Variants in CFDP1 observed in about 807,000 individuals in gnomAD.
CFDP1 encodes heterochromatin-stabilizing protein CFDP1.
In CFDP1, 31 loss-of-function variants were observed where a neutral mutation model predicts 40.1. That is an observed-to-expected ratio of 0.77 (90% confidence interval 0.58 to 1.04). The LOEUF (loss-of-function observed/expected upper bound fraction) is 1.04. CFDP1 is among the 50% of genes least tolerant of loss of function. The pLI, the probability that CFDP1 is intolerant of heterozygous loss-of-function variation, is 0.00. For missense variants in CFDP1, 423 were observed against 343.4 expected (o/e 1.23, Z -1.83); for synonymous variants, 167 against 120.0 (o/e 1.39, Z -2.56).
intron 3 of CFDP1, 120 bp from the exon 4 acceptor site, chr16:75,412,072 G>T: frequency 9.3e-7 from 1 of 1,071,530 alleles, no homozygotes; most frequent in Non-Finnish European, 1.3e-6. Flanking sequence ...CTGGAGTGCA[G>T]TAACACAATC....
At chr16:75,418,225 C>T (rs2079230829) in intron 1 of CFDP1, among the ~76,000 whole-genome samples, 1 of 143,412 alleles carries the variant, frequency 7.0e-6, no homozygotes, top group African/African-American at 2.7e-5. Flanking sequence ...GCACTCCAGC[C>T]TGGGCAACAA....
chr16:75,395,006 C>T (rs916885544), intron 5 of CFDP1, 84 bp downstream of exon 5: 2 of 1,523,994 alleles, frequency 1.3e-6, no homozygotes, highest in African/African-American at 1.4e-5. Flanking sequence ...GGCAAGGAGT[C>T]TGATCTGCAG....
chr16:75,372,660 T>G (rs2078762228), intron 5 of CFDP1: 1 of 152,202 alleles, frequency 6.6e-6, no homozygotes, highest in Non-Finnish European at 1.5e-5. Context: ...GCTCAACTGT[T>G]TGCAAAGTTC....
intron 5 of CFDP1, among the ~76,000 whole-genome samples, chr16:75,322,380 A>G (rs1259699275): frequency 1.3e-5 from 2 of 152,202 alleles, no homozygotes; most frequent in Non-Finnish European, 2.9e-5. Flanking sequence ...TTATGTTCTG[A>G]GAAATGTGTT....
At chr16:75,324,288 G>A (rs373607127) in intron 5 of CFDP1, among the ~76,000 whole-genome samples, 1 of 152,126 alleles carries the variant, frequency 6.6e-6, no homozygotes, top group African/African-American at 2.4e-5. Flanking sequence ...AGCTGGGATA[G>A]AGAAGTCCAC....
intron 5 of CFDP1, among the ~76,000 whole-genome samples, chr16:75,393,132 T>G (rs1052087503): frequency 6.6e-6 from 1 of 152,158 alleles, no homozygotes; most frequent in African/African-American, 2.4e-5. Context: ...TGAGCCAATG[T>G]CCGATGGGCA....
intron 4 of CFDP1, among the ~76,000 whole-genome samples, chr16:75,399,276 A>T (rs1346728175): frequency 6.6e-6 from 1 of 152,162 alleles, no homozygotes; most frequent in Non-Finnish European, 1.5e-5. Context: ...ATAAACCCAC[A>T]TCCAAATCTC....
At chr16:75,299,809 T>C (rs778140609) in intron 6 of CFDP1, among the ~76,000 whole-genome samples, 11 of 151,996 alleles carry the variant, frequency 7.2e-5, no homozygotes, top group African/African-American at 7.2e-5. Context: ...CATCAGATGA[T>C]AGTAAGTGTC....
At chr16:75,306,897 ACACACG>A (rs990984536) in intron 5 of CFDP1, among the ~76,000 whole-genome samples, 16 of 145,236 alleles carry the variant, frequency 1.1e-4, no homozygotes, top group African/African-American at 3.6e-4. Flanking sequence ...ACACACACAC[ACACACG>A]CACACACACA....
intron 5 of CFDP1, among the ~76,000 whole-genome samples, chr16:75,355,815 T>G (rs1296417219): frequency 6.6e-6 from 1 of 152,226 alleles, no homozygotes; most frequent in Non-Finnish European, 1.5e-5. Flanking sequence ...CCGCCATGAC[T>G]GTAAGTTTCC....
intron 4 of CFDP1, among the ~76,000 whole-genome samples, chr16:75,406,346 C>T (rs112424857): frequency 2.5e-4 from 38 of 152,156 alleles, no homozygotes; most frequent in African/African-American, 8.9e-4. Context: ...CACTACACTC[C>T]AGCCTGGGCA....
intron 5 of CFDP1, among the ~76,000 whole-genome samples, chr16:75,318,700 G>A (rs544885695): frequency 6.6e-6 from 1 of 151,996 alleles, no homozygotes; most frequent in South Asian, 2.1e-4. Flanking sequence ...CACTGCGCCC[G>A]GCCGGCATGC....
intron 5 of CFDP1, among the ~76,000 whole-genome samples, chr16:75,378,728 A>C (rs2078825076): frequency 6.6e-6 from 1 of 152,204 alleles, no homozygotes; most frequent in African/African-American, 2.4e-5. Flanking sequence ...AGTTTAGTGC[A>C]AGACACAGAC....
intron 5 of CFDP1, among the ~76,000 whole-genome samples, chr16:75,367,539 T>C (rs936850516): frequency 2.0e-5 from 3 of 151,464 alleles, no homozygotes; most frequent in Admixed American, 6.6e-5. Flanking sequence ...CCATCTGTAA[T>C]CCCAACACTG....
At chr16:75,395,627 C>A (rs1033976454) in intron 4 of CFDP1, among the ~76,000 whole-genome samples, 2 of 152,056 alleles carry the variant, frequency 1.3e-5, no homozygotes, top group African/African-American at 2.4e-5. Flanking sequence ...CCATTGCACT[C>A]CAGCCTGGGC....
chr16:75,376,730 C>G (rs1360674004), intron 5 of CFDP1, among the ~76,000 whole-genome samples: 1 of 152,146 alleles, frequency 6.6e-6, no homozygotes, highest in Non-Finnish European at 1.5e-5. Context: ...AAATTGATGA[C>G]TAGCTAAAAC....
At chr16:75,420,895 T>G (rs78838998) in intron 1 of CFDP1, among the ~76,000 whole-genome samples, 14,740 of 152,244 alleles carry the variant, frequency 0.097, 1,424 homozygotes, top group East Asian at 0.47. Context: ...TTTCTAATTT[T>G]CTATAAAGCT....
intron 6 of CFDP1, among the ~76,000 whole-genome samples, chr16:75,303,511 C>CCCCA (rs55992900): frequency 6.9e-6 from 1 of 145,824 alleles, no homozygotes; most frequent in African/African-American, 2.5e-5. Flanking sequence ...TGACCCCCCC[C>CCCCA]AATAAATCCT....
chr16:75,367,038 C>A (rs1042687798), intron 5 of CFDP1, among the ~76,000 whole-genome samples: 1 of 151,554 alleles, frequency 6.6e-6, no homozygotes, highest in Non-Finnish European at 1.5e-5. Flanking sequence ...GTGGCAGGCA[C>A]CTGTAATCCC....
Sources: allele counts gnomAD v4.1 joint callset (sites outside exome capture counted in the v4.1 genomes callset), GRCh38; gene constraint gnomAD v4.1.1; transcripts MANE v1.5; gene names NCBI Gene and HGNC (gene_info 2026-07-23, HGNC 2026-07-21).